CSTPP1: variants seen among roughly 807,000 people sequenced by gnomAD.
The protein encoded by CSTPP1 is centriolar satellite-associated tubulin polyglutamylase complex regulator 1, also known as UPF0705 protein C11orf49.
the CSTPP1 span, among the ~76,000 whole-genome samples, chr11:47,025,243 G>T: frequency 6.6e-6 from 1 of 152,124 alleles, no homozygotes; most frequent in African/African-American, 2.4e-5. Flanking sequence ...TCTAAAAAGT[G>T]AGACCAACTT....
At chr11:46,958,959 C>A in the CSTPP1 span, among the ~76,000 whole-genome samples, 1 of 152,176 alleles carries the variant, frequency 6.6e-6, no homozygotes, top group African/African-American at 2.4e-5. Flanking sequence ...TCAATCTACT[C>A]ATTCAAATGC....
the CSTPP1 span, among the ~76,000 whole-genome samples, chr11:47,112,952 TTTACA>T: frequency 6.6e-6 from 1 of 152,158 alleles, no homozygotes. Context: ...CAACTCATCA[TTTACA>T]TTAGGCAAAT....
the CSTPP1 span, among the ~76,000 whole-genome samples, chr11:46,967,161 T>G: frequency 3.3e-5 from 5 of 152,232 alleles, no homozygotes; most frequent in African/African-American, 1.2e-4. Flanking sequence ...CTCCTATATT[T>G]TCTTCTGGAA....
the CSTPP1 span, among the ~76,000 whole-genome samples, chr11:46,966,661 G>T: frequency 6.6e-6 from 1 of 151,906 alleles, no homozygotes; most frequent in African/African-American, 2.4e-5. Flanking sequence ...TAATCTTCCA[G>T]TGCTTTTCTT....
chr11:47,144,376 G>A, the CSTPP1 span, among the ~76,000 whole-genome samples: 2 of 151,988 alleles, frequency 1.3e-5, no homozygotes, highest in South Asian at 4.2e-4. Flanking sequence ...TTGTAGTAGA[G>A]ACGGGGTTTC....
the CSTPP1 span, among the ~76,000 whole-genome samples, chr11:46,938,688 C>T: frequency 6.6e-6 from 1 of 150,720 alleles, no homozygotes; most frequent in Non-Finnish European, 1.5e-5. Flanking sequence ...TCCTCCATGT[C>T]TTTCTGTGGC....
At chr11:47,072,526 G>A in the CSTPP1 span, among the ~76,000 whole-genome samples, 127 of 152,262 alleles carry the variant, frequency 8.3e-4, no homozygotes, top group African/African-American at 2.8e-3. Context: ...ACTTGAAGAA[G>A]GAATGTGAGG....
chr11:47,136,802 T>C, the CSTPP1 span, among the ~76,000 whole-genome samples: 1 of 152,344 alleles, frequency 6.6e-6, no homozygotes, highest in East Asian at 1.9e-4. Flanking sequence ...TGCTTTGATA[T>C]ATGATAATAC....
chr11:46,944,694 T>A, the CSTPP1 span, among the ~76,000 whole-genome samples: 1 of 152,014 alleles, frequency 6.6e-6, no homozygotes, highest in Non-Finnish European at 1.5e-5. Context: ...TTCTCCCTTC[T>A]CCCTCCTAAA....
the CSTPP1 span, chr11:47,160,939 T>TATCA: frequency 1.5e-6 from 1 of 683,298 alleles, no homozygotes; most frequent in Non-Finnish European, 2.4e-6. Context: ...TCAATAAATG[T>TATCA]ATCAAGCAAC....
the CSTPP1 span, among the ~76,000 whole-genome samples, chr11:47,105,418 G>A: frequency 9.2e-5 from 14 of 152,172 alleles, no homozygotes; most frequent in Admixed American, 4.6e-4. Context: ...GGAGGATCAC[G>A]TGAGCCTAGG....
the CSTPP1 span, chr11:47,109,443 T>G: frequency 1.3e-5 from 2 of 152,188 alleles, no homozygotes; most frequent in African/African-American, 4.8e-5. Flanking sequence ...GATGTCAAAT[T>G]GGCTCACTGA....
At chr11:47,096,753 G>GA in the CSTPP1 span, among the ~76,000 whole-genome samples, 1 of 145,916 alleles carries the variant, frequency 6.9e-6, no homozygotes. Flanking sequence ...GTATGTTTCT[G>GA]AAAATCTCCT....
At chr11:46,947,896 C>A in the CSTPP1 span, 30 of 370,768 alleles carry the variant, frequency 8.1e-5, no homozygotes, top group South Asian at 4.7e-4. Context: ...AGGCATCTGG[C>A]GGGGATAGAG....
chr11:47,035,935 G>T, the CSTPP1 span, among the ~76,000 whole-genome samples: 1 of 149,406 alleles, frequency 6.7e-6, no homozygotes, highest in Non-Finnish European at 1.5e-5. Flanking sequence ...GTATATACAT[G>T]TATCTGCTCA....
chr11:47,144,104 A>C, the CSTPP1 span, among the ~76,000 whole-genome samples: 26 of 152,328 alleles, frequency 1.7e-4, no homozygotes, highest in African/African-American at 4.8e-4. Flanking sequence ...TAATAATAAT[A>C]GTAACTAACT....
chr11:46,970,291 C>G, the CSTPP1 span, among the ~76,000 whole-genome samples: 1 of 151,664 alleles, frequency 6.6e-6, no homozygotes, highest in Non-Finnish European at 1.5e-5. Flanking sequence ...TGCCAAAGAA[C>G]AAATCTATTT....
the CSTPP1 span, among the ~76,000 whole-genome samples, chr11:47,058,844 A>G: frequency 6.6e-6 from 1 of 152,230 alleles, no homozygotes; most frequent in African/African-American, 2.4e-5. Context: ...ATGCATCAAC[A>G]CTGCATGACA....
chr11:46,939,281 G>A, the CSTPP1 span, among the ~76,000 whole-genome samples: 1 of 151,380 alleles, frequency 6.6e-6, no homozygotes, highest in African/African-American at 2.4e-5. Context: ...GTAGAGATGG[G>A]TTTCTCCATG....
Sources: allele counts gnomAD v4.1 joint callset (sites outside exome capture counted in the v4.1 genomes callset), GRCh38; gene constraint gnomAD v4.1.1; transcripts MANE v1.5; gene names NCBI Gene and HGNC (gene_info 2026-07-23, HGNC 2026-07-21).